The following MYO1H variants were observed in gnomAD, a reference collection of about 807,000 sequenced individuals.
MYO1H encodes myosin IH.
Under a neutral mutation model 149.3 loss-of-function variants are expected in MYO1H, and 118 were observed. The observed-to-expected ratio is 0.79, with a 90% CI of 0.68 to 0.92. The LOEUF is 0.92. Ranked by LOEUF, MYO1H falls within the 40% of genes least tolerant of loss-of-function variation. The probability of loss-of-function intolerance (pLI) is 0.00; values close to 1 mark genes in which losing one functional copy is unlikely to be tolerated. For missense variants in MYO1H, 1,212 were observed against 1,280.7 expected, an observed-to-expected ratio of 0.95 and a Z score of 0.82; for synonymous variants, 447 against 465.2, an observed-to-expected ratio of 0.96 and a Z score of 0.50.
intron 2 of MYO1H, among the ~76,000 whole-genome samples, chr12:109,389,601 T>G (rs1869550815): frequency 1.3e-5 from 2 of 152,212 alleles, no homozygotes; most frequent in African/African-American, 4.8e-5. Context: ...ATTGATCTTG[T>G]CACATCTAGT....
chr12:109,395,439 T>G lies in MYO1H; in HGVS notation c.291-945T>G, dbSNP rs77984880. On this transcript the variant is annotated intron_variant, in intron 3 of 31. Coordinates refer to ENST00000310903, the Ensembl canonical transcript of MYO1H. The stretch of plus-strand genomic sequence containing the variant: ...TTAAAAACATAAATTTGGTGAACTT[T>G]AAAAAATATTTTCAGGCCAGGCGCG... Among the ~76,000 whole-genome samples, 87 of 152,222 alleles carry G rather than the reference T, an allele frequency of 5.7e-4. No individual in the cohort carries two copies. In the East Asian group the frequency reaches 0.016, roughly 28 times the overall value.
chr12:109,387,682 C>T (rs1869412189), intron 1 of MYO1H, among the ~76,000 whole-genome samples: 1 of 152,228 alleles, frequency 6.6e-6, no homozygotes, highest in African/African-American at 2.4e-5. Flanking sequence ...CACACACTAA[C>T]CGTGTGCCCA....
exon 17 of MYO1H, chr12:109,424,828 A>G (rs1871298967): frequency 1.2e-6 from 2 of 1,613,266 alleles, no homozygotes; most frequent in Non-Finnish European, 1.7e-6. Context: ...GGCCCCCAAC[A>G]GTGAGTGGGA....
intron 1 of MYO1H, among the ~76,000 whole-genome samples, chr12:109,377,211 G>A (rs148642715): frequency 6.6e-6 from 1 of 152,250 alleles, no homozygotes; most frequent in African/African-American, 2.4e-5. Context: ...AGGAATACTT[G>A]AGGCTGAATA....
the MYO1H span, among the ~76,000 whole-genome samples, chr12:109,318,177 G>A: frequency 6.6e-6 from 1 of 152,042 alleles, no homozygotes; most frequent in South Asian, 2.1e-4. Context: ...AGTAAATGCT[G>A]ATTAAAGAAA....
Position 109,421,032 on chromosome 12 carries a change from G to T in MYO1H, c.1644+5G>T. 1 of 1,552,972 alleles carries T rather than the reference G, an allele frequency of 6.4e-7. No individual in the cohort carries two copies. Among genetic ancestry groups the T allele is most frequent in the Non-Finnish European group, 8.9e-7 (1 of 1,128,006 alleles). ...CTTTACAGACATCTGAAAGAAGTAA[G>T]TCTGACACTTAACTGTATGTGTTTC... On this transcript the variant is annotated splice_donor_5th_base_variant and intron_variant, in intron 16 of 31. Transcript: ENST00000310903.
intron 2 of MYO1H, among the ~76,000 whole-genome samples, chr12:109,390,802 A>G (rs1337885526): frequency 6.6e-6 from 1 of 152,038 alleles, no homozygotes. Context: ...AGTAGCTGGG[A>G]TTACAGGCAT....
intron 2 of MYO1H, among the ~76,000 whole-genome samples, chr12:109,390,305 A>T (rs759795161): frequency 1.7e-4 from 25 of 150,916 alleles, no homozygotes; most frequent in Non-Finnish European, 3.5e-4. Context: ...CCTCCCACGT[A>T]GCTGGGATTA....
chr12:109,416,467 C>G (rs1324932370), intron 15 of MYO1H, among the ~76,000 whole-genome samples: 1 of 149,298 alleles, frequency 6.7e-6, no homozygotes, highest in African/African-American at 2.5e-5. Flanking sequence ...ATAATTTTGT[C>G]AGGGTTCATC....
chr12:109,433,039 C>T, intron 20 of MYO1H, 29 bp downstream of exon 20: 1 of 1,571,836 alleles, frequency 6.4e-7, no homozygotes, highest in Non-Finnish European at 8.8e-7. Context: ...ACCAAATGGT[C>T]TCTTCCCTTG....
At chr12:109,413,105 C>T (rs968439615) in intron 14 of MYO1H, among the ~76,000 whole-genome samples, 8 of 152,100 alleles carry the variant, frequency 5.3e-5, no homozygotes, top group South Asian at 2.1e-4. Context: ...TCACAAGTAG[C>T]TGGGACTACA....
chr12:109,412,321 C>T (rs1406644345), intron 14 of MYO1H, among the ~76,000 whole-genome samples: 1 of 152,128 alleles, frequency 6.6e-6, no homozygotes, highest in African/African-American at 2.4e-5. Flanking sequence ...CAATGCCTGG[C>T]TAATTTTTAT....
the MYO1H span, among the ~76,000 whole-genome samples, chr12:109,311,941 T>C: frequency 6.6e-6 from 1 of 152,240 alleles, no homozygotes; most frequent in Non-Finnish European, 1.5e-5. Context: ...ATCTGCGTCT[T>C]GGTTGCTTAG....
intron 1 of MYO1H, among the ~76,000 whole-genome samples, chr12:109,352,742 T>G (rs2136995823): frequency 6.6e-6 from 1 of 152,334 alleles, no homozygotes; most frequent in African/African-American, 2.4e-5. Context: ...TATCTTATTT[T>G]GGGGGGATAG....
chr12:109,429,382 T>C (rs901167035), intron 19 of MYO1H, among the ~76,000 whole-genome samples: 1 of 152,096 alleles, frequency 6.6e-6, no homozygotes, highest in Non-Finnish European at 1.5e-5. Context: ...GTTCCACATC[T>C]GAGGATTCAC....
chr12:109,366,407 G>T (rs1592780984), intron 1 of MYO1H, among the ~76,000 whole-genome samples: 1 of 152,174 alleles, frequency 6.6e-6, no homozygotes, highest in South Asian at 2.1e-4. Flanking sequence ...CAAGGTGGGG[G>T]CAGGCTTGGG....
the MYO1H span, among the ~76,000 whole-genome samples, chr12:109,339,812 A>G: frequency 6.6e-6 from 1 of 152,226 alleles, no homozygotes; most frequent in Admixed American, 6.5e-5. Flanking sequence ...AAACTTGATA[A>G]TACAAAGTGA....
At chr12:109,391,823 AGC>A (rs1370208518) in intron 2 of MYO1H, among the ~76,000 whole-genome samples, 1 of 151,816 alleles carries the variant, frequency 6.6e-6, no homozygotes, top group African/African-American at 2.4e-5. Context: ...GGTGGTGTTG[AGC>A]TTTTTTTCAT....
chr12:109,368,835 C>A (rs1029416346), intron 1 of MYO1H, among the ~76,000 whole-genome samples: 5 of 151,806 alleles, frequency 3.3e-5, no homozygotes, highest in African/African-American at 1.2e-4. Context: ...TCCAGCAGTC[C>A]TCAGTTTCTG....
Sources: gnomAD v4.1 joint callset for allele counts (sites outside exome capture counted in the v4.1 genomes callset) on GRCh38, gnomAD v4.1.1 for gene constraint, MANE v1.5 for transcripts, NCBI Gene and HGNC (gene_info 2026-07-23, HGNC 2026-07-21) for gene names.